Variants in PPIL3 observed in about 807,000 individuals in gnomAD.
The protein encoded by PPIL3 is peptidyl-prolyl cis-trans isomerase-like 3.
PPIL3 carries 13 observed loss-of-function variants against 20.9 expected under a neutral mutation model. That is an observed-to-expected ratio of 0.62 (90% CI 0.40 to 0.99). The LOEUF is 0.99. PPIL3 is among the 50% of genes least tolerant of loss of function. The pLI is 0.00. For synonymous variants in PPIL3, 71 were observed against 64.4 expected (o/e 1.10, Z -0.49); for missense variants, 170 against 195.2 (o/e 0.87, Z 0.77).
intron 4 of PPIL3, 84 bp downstream of exon 4, chr2:200,882,258 C>A: frequency 1.1e-6 from 1 of 915,872 alleles, no homozygotes; most frequent in Non-Finnish European, 1.8e-6. Flanking sequence ...AACAAAAACT[C>A]CACGTATTTA....
In PPIL3 at chr2:200,882,468, C is replaced by T. The variant is rs138791426; in HGVS notation, c.79-33G>A. On this transcript the variant is annotated intron_variant, in intron 3 of 6. Transcript: ENST00000392283. The stretch of plus-strand genomic sequence containing the variant: ...GAGTAAAAATGATTGAGAAATGATG[C>T]AGCAGAAACCCAGTTAAGACAAAAA... 178 of 1,298,484 alleles carry T rather than the reference C, an allele frequency of 1.4e-4. No homozygotes were observed. The African/African-American group carries it at 2.1e-3, about 15-fold the overall frequency. The allele number at this position is 1,298,484 out of a possible 1,614,324, so 80.4% of individuals were successfully genotyped here.
chr2:200,879,396 G>A (rs937639686), intron 5 of PPIL3, among the ~76,000 whole-genome samples: 3 of 152,040 alleles, frequency 2.0e-5, no homozygotes, highest in African/African-American at 4.8e-5. Flanking sequence ...TGGGATTACA[G>A]GTGTGAGCCA....
chr2:200,871,528 G>A lies in PPIL3; in HGVS notation c.360-7C>T. Reference sequence around the variant, plus strand: ...TTCCAGACCATCTATTACCCTGAAAGAGAAACAACATAACATATGAAAATT... The same window carrying A: ...TTCCAGACCATCTATTACCCTGAAAAAGAAACAACATAACATATGAAAATT... On this transcript the variant is annotated splice_polypyrimidine_tract_variant and splice_region_variant and intron_variant, in intron 6 of 6. Transcript: ENST00000392283. The A allele has an allele frequency of 1.2e-6, 2 of 1,608,512 alleles. No individual in the cohort carries two copies. The highest frequency in any genetic ancestry group is 1.7e-6 in the Non-Finnish European group (2 of 1,177,524).
At chr2:200,886,429 CTT>C (rs1304349954) in intron 2 of PPIL3, among the ~76,000 whole-genome samples, 19 of 142,832 alleles carry the variant, frequency 1.3e-4, no homozygotes, top group Non-Finnish European at 1.1e-4. Context: ...TTCATTTCTC[CTT>C]TTTTTTTTTT....
rs897331989 is a variant in PPIL3 at position 200,870,939 on chromosome 2, T to C, written c.*456A>G. On this transcript the variant is annotated 3_prime_UTR_variant, in exon 7 of 7. Coordinates refer to ENST00000392283, the MANE Select transcript of PPIL3 (RefSeq NM_130906.3). ...AAACATGAAGTTCATTTACGTTTCATATATACCTTATACACATAGCCTGAA... is the reference window on the plus strand; with the variant it reads ...AAACATGAAGTTCATTTACGTTTCACATATACCTTATACACATAGCCTGAA... The C allele has an allele frequency of 4.6e-5, 7 of 152,850 alleles. No individual in the cohort carries two copies. The highest frequency in any genetic ancestry group is 1.7e-4 in the African/African-American group (7 of 41,432). The allele number at this position is 152,850 out of a possible 1,614,324, so 9.5% of individuals were successfully genotyped here.
In PPIL3 at chr2:200,871,494, A is replaced by T; in HGVS notation, c.387T>A (p.Asp129Glu). Reference sequence around the variant, plus strand: ...CATTTACTGGCAACTTCTCCAACTCATCTAGAGTTTCCAGACCATCTATTA... The same window carrying T: ...CATTTACTGGCAACTTCTCCAACTCTTCTAGAGTTTCCAGACCATCTATTA... ...GKVIDGLETL[D>E]ELEKLPVNEK... Residue 129 changes from aspartate (D) to glutamate (E), a missense_variant, in exon 7 of 7, where the codon GAT becomes GAA. Physicochemically the swap from Asp to Glu is conservative, Grantham distance 45 (BLOSUM62 2). Transcript: ENST00000392283. The T allele has an allele frequency of 6.2e-6, 10 of 1,612,768 alleles. No homozygotes were observed. The highest frequency in any genetic ancestry group is 8.5e-6 in the Non-Finnish European group (10 of 1,178,958).
intron 6 of PPIL3, among the ~76,000 whole-genome samples, chr2:200,871,959 A>G (rs1309808353): frequency 6.6e-6 from 1 of 152,152 alleles, no homozygotes; most frequent in Non-Finnish European, 1.5e-5. Context: ...TTAATTTTTT[A>G]AAGACAGGAT....
chr2:200,873,099 C>T, intron 6 of PPIL3, among the ~76,000 whole-genome samples: 1 of 151,752 alleles, frequency 6.6e-6, no homozygotes, highest in African/African-American at 2.4e-5. Context: ...CTGGCCTGAC[C>T]TCAGGTGATC....
At position 200,881,486 on chromosome 2, in the gene PPIL3, T is replaced by A. The variant is rs1395606014; in HGVS notation, c.175A>T (p.Thr59Ser). The A allele has an allele frequency of 6.2e-7, 1 of 1,611,982 alleles. No individual in the cohort carries two copies. The highest frequency in any genetic ancestry group is 1.1e-5 in the South Asian group (1 of 90,834). ...FMVQTGDPTGTGRGGNSIWGK... is the reference protein window; with the variant it reads ...FMVQTGDPTGSGRGGNSIWGK... ...CAAATACTGTTGCCTCCTCTTCCAG[T>A]TCCTACATTACAAGTGAAGCAAATC... Residue 59 changes from threonine (T) to serine (S), a missense_variant and splice_region_variant, in exon 5 of 7, where the codon ACT (threonine) becomes TCT (serine). Thr to Ser is a moderately conservative substitution (Grantham distance 58). Transcript: ENST00000392283.
At chr2:200,885,587 C>T in intron 3 of PPIL3, 111 bp downstream of exon 3, 1 of 723,170 alleles carries the variant, frequency 1.4e-6, no homozygotes, top group Admixed American at 2.9e-5. Context: ...TTTTCCCTAA[C>T]AATGGTTTTA....
intron 6 of PPIL3, among the ~76,000 whole-genome samples, chr2:200,876,143 GT>G (rs537988969): frequency 0.052 from 7,228 of 137,724 alleles, 448 homozygotes; most frequent in African/African-American, 0.16. Flanking sequence ...TGTTTTTTTT[GT>G]TTTTTTTTTT....
chr2:200,875,336 T>G (rs932747639), intron 6 of PPIL3, among the ~76,000 whole-genome samples: 1 of 152,022 alleles, frequency 6.6e-6, no homozygotes, highest in Non-Finnish European at 1.5e-5. Flanking sequence ...GGCGCAATCT[T>G]GGCTCACTGC....
chr2:200,887,047 C>T (rs1339080207), intron 2 of PPIL3: 2 of 152,328 alleles, frequency 1.3e-5, no homozygotes, highest in Non-Finnish European at 2.9e-5. Flanking sequence ...CTTCAACTCT[C>T]CCTTTCCATT....
Position 200,876,908 on chromosome 2 carries a change from A to G in PPIL3, c.359+11T>C, listed in dbSNP as rs2039538469. 1 of 1,559,258 alleles carries G rather than the reference A, an allele frequency of 6.4e-7. No individual in the cohort carries two copies. The highest frequency in any genetic ancestry group is 1.1e-5 in the South Asian group (1 of 89,898). ...GAAATGCTAAAAGAAAACCATAACC[A>G]GAATACTCACTTTCCAAATACGGTG... On this transcript the variant is annotated intron_variant, in intron 6 of 6. Coordinates refer to ENST00000392283, the MANE Select transcript of PPIL3 (RefSeq NM_130906.3).
intron 5 of PPIL3, among the ~76,000 whole-genome samples, chr2:200,879,188 G>A (rs377596875): frequency 1.3e-5 from 2 of 151,652 alleles, no homozygotes; most frequent in Non-Finnish European, 2.9e-5. Context: ...GCACGATCTC[G>A]GCTCACTGCA....
intron 6 of PPIL3, among the ~76,000 whole-genome samples, chr2:200,872,244 G>A (rs574354279): frequency 6.6e-6 from 1 of 152,122 alleles, no homozygotes; most frequent in Admixed American, 6.5e-5. Flanking sequence ...CTATTATAAA[G>A]GTTACAACTC....
chr2:200,886,401 A>C (rs2039938636), intron 2 of PPIL3, among the ~76,000 whole-genome samples: 1 of 150,366 alleles, frequency 6.7e-6, no homozygotes, highest in Non-Finnish European at 1.5e-5. Flanking sequence ...GGGAGAAAAC[A>C]ATTTGGAGGG....
In PPIL3 at chr2:200,877,113, A is replaced by G. The variant is rs1245405787; in HGVS notation, c.241-76T>C. 5.1e-6 allele frequency: 5 copies of G among 980,916 alleles called. No individual in the cohort carries two copies. In the Admixed American group the frequency reaches 7.4e-5, roughly 15 times the overall value. 60.8% of individuals were successfully genotyped at this position (980,916 alleles called of 1,614,324 possible). ...AATATAGTATTGAAACAAGACAGGC[A>G]CACCTTTGTTTTCTTTTTTAAAAAT... On this transcript the variant is annotated intron_variant, in intron 5 of 6. Coordinates refer to ENST00000392283, the MANE Select transcript of PPIL3 (RefSeq NM_130906.3).
chr2:200,878,556 A>AT (rs1424428581), intron 5 of PPIL3, among the ~76,000 whole-genome samples: 1 of 151,816 alleles, frequency 6.6e-6, no homozygotes, highest in African/African-American at 2.4e-5. Flanking sequence ...TACCTGGCTA[A>AT]TTTTTTAACT....
Sources: allele counts gnomAD v4.1 joint callset (sites outside exome capture counted in the v4.1 genomes callset), GRCh38; gene constraint gnomAD v4.1.1; transcripts MANE v1.5; gene names NCBI Gene and HGNC (gene_info 2026-07-23, HGNC 2026-07-21).